OPCML: variants seen among roughly 807,000 people sequenced by gnomAD.
OPCML encodes the protein opioid binding protein/cell adhesion molecule like.
Under a neutral mutation model 37.8 loss-of-function variants are expected in OPCML, and 13 were observed. The observed-to-expected ratio is 0.34, with a 90% CI of 0.22 to 0.55. The LOEUF (loss-of-function observed/expected upper bound fraction) is 0.55. Ranked by LOEUF, OPCML falls within the 20% of genes least tolerant of loss-of-function variation. The probability of loss-of-function intolerance (pLI) is 0.91; values close to 1 mark genes in which losing one functional copy is unlikely to be tolerated. For synonymous variants in OPCML, 176 were observed against 168.8 expected (o/e 1.04, Z -0.33); for missense variants, 341 against 435.6 (o/e 0.78, Z 1.93).
At chr11:132,675,220 A>T (rs558642354) in intron 2 of OPCML, among the ~76,000 whole-genome samples, 3 of 150,140 alleles carry the variant, frequency 2.0e-5, no homozygotes, top group Admixed American at 6.7e-5. Context: ...TATATATATA[A>T]AACGTTATAT....
At chr11:133,374,311 C>T (rs150484381) in intron 1 of OPCML, among the ~76,000 whole-genome samples, 16 of 152,220 alleles carry the variant, frequency 1.1e-4, no homozygotes, top group African/African-American at 3.4e-4. Context: ...TGTAGATTAG[C>T]GGCTGCCTGG....
At position 132,800,787 on chromosome 11, in the gene OPCML, T is replaced by C. The variant is rs151124798; in HGVS notation, c.146+142139A>G. Among the ~76,000 whole-genome samples, 8 of 152,328 alleles carry C rather than the reference T, an allele frequency of 5.3e-5. No individual in the cohort carries two copies. In the East Asian group the frequency reaches 1.5e-3, roughly 29 times the overall value. ...ATGATGTATAATCCTTTTTTATATA[T>C]CACTGTATTTCACTTGGTTGCATTT... is the stretch of plus-strand genomic sequence containing the variant. On this transcript the variant is annotated intron_variant, in intron 2 of 7. Coordinates refer to ENST00000524381, the MANE Select transcript of OPCML (RefSeq NM_001012393.5).
intron 2 of OPCML, among the ~76,000 whole-genome samples, chr11:132,814,775 G>C (rs1243509522): frequency 6.6e-6 from 1 of 152,080 alleles, no homozygotes; most frequent in East Asian, 1.9e-4. Flanking sequence ...TTTGCTATGG[G>C]GGGCTGTGGA....
intron 1 of OPCML, among the ~76,000 whole-genome samples, chr11:133,465,793 A>C (rs890594533): frequency 6.6e-6 from 1 of 152,196 alleles, no homozygotes; most frequent in Admixed American, 6.5e-5. Context: ...GTAAAGGGAC[A>C]CTGGGAGGAC....
chr11:132,698,304 T>C lies in OPCML; in HGVS notation c.147-40985A>G, dbSNP rs950655751. 7.2e-5 allele frequency among the ~76,000 whole-genome samples: 11 copies of C among 152,158 alleles called. No homozygotes were observed. In the East Asian group the frequency reaches 1.7e-3, roughly 24 times the overall value. ...CTTTTCTCCGCATCCTCTCCAACAC[T>C]GATCTTTTGTCATGCTGACAACTGG... On this transcript the variant is annotated intron_variant, in intron 2 of 7. Transcript: ENST00000524381.
At chr11:133,276,356 G>A (rs977433360) in intron 1 of OPCML, among the ~76,000 whole-genome samples, 11 of 152,164 alleles carry the variant, frequency 7.2e-5, no homozygotes, top group African/African-American at 1.7e-4. Context: ...AGAAAAGGAA[G>A]AGGGGCCAAG....
intron 3 of OPCML, among the ~76,000 whole-genome samples, chr11:132,593,359 G>A (rs1239528479): frequency 3.3e-5 from 5 of 152,164 alleles, no homozygotes. Context: ...TGTAGACCAT[G>A]GCAAAGAGCA....
chr11:133,214,094 C>T (rs1428662706), intron 1 of OPCML, among the ~76,000 whole-genome samples: 2 of 151,858 alleles, frequency 1.3e-5, no homozygotes, highest in Non-Finnish European at 2.9e-5. Context: ...AAACACTTTT[C>T]CCTTAAAATA....
At chr11:133,287,083 C>T (rs1942319535) in intron 1 of OPCML, among the ~76,000 whole-genome samples, 1 of 152,082 alleles carries the variant, frequency 6.6e-6, no homozygotes, top group Non-Finnish European at 1.5e-5. Flanking sequence ...TTGTTTCCGA[C>T]TGCAGACCAG....
chr11:133,312,300 A>G (rs1228196675), intron 1 of OPCML, among the ~76,000 whole-genome samples: 2 of 152,230 alleles, frequency 1.3e-5, no homozygotes, highest in African/African-American at 4.8e-5. Flanking sequence ...AAGAATATCC[A>G]CCATCACTAC....
chr11:133,255,236 G>T (rs938213184), intron 1 of OPCML, among the ~76,000 whole-genome samples: 2 of 152,140 alleles, frequency 1.3e-5, no homozygotes, highest in Non-Finnish European at 2.9e-5. Flanking sequence ...CGAAACTGGG[G>T]TATAAAACAC....
chr11:132,723,130 C>T (rs1356905323), intron 2 of OPCML, among the ~76,000 whole-genome samples: 1 of 152,094 alleles, frequency 6.6e-6, no homozygotes, highest in Non-Finnish European at 1.5e-5. Context: ...GAACAAAGGG[C>T]CATGTGATTA....
At chr11:133,155,529 C>A (rs1045197336) in intron 1 of OPCML, among the ~76,000 whole-genome samples, 3 of 152,100 alleles carry the variant, frequency 2.0e-5, no homozygotes, top group Non-Finnish European at 2.9e-5. Context: ...CTTTCCTGGG[C>A]TTCTACAATT....
In OPCML at chr11:132,696,689, C is replaced by T. The variant is rs139108208; in HGVS notation, c.147-39370G>A. The stretch of plus-strand genomic sequence containing the variant: ...AAAGTATGTGTGAGGAAGCACTGCT[C>T]GTATCAGATAGGAACTATTGTATCA... On this transcript the variant is annotated intron_variant, in intron 2 of 7. Coordinates refer to ENST00000524381, the MANE Select transcript of OPCML (RefSeq NM_001012393.5). Among the ~76,000 whole-genome samples, 10 of 152,134 alleles carry T rather than the reference C, an allele frequency of 6.6e-5. No individual in the cohort carries two copies. In the South Asian group the frequency reaches 1.9e-3, roughly 28 times the overall value.
chr11:133,191,511 GT>G (rs1938318385), intron 1 of OPCML, among the ~76,000 whole-genome samples: 1 of 150,608 alleles, frequency 6.6e-6, no homozygotes, highest in Non-Finnish European at 1.5e-5. Flanking sequence ...GTGGGTGTGT[GT>G]GTGTGTGTGT....
At chr11:132,719,390 G>C (rs944877030) in intron 2 of OPCML, among the ~76,000 whole-genome samples, 1 of 152,214 alleles carries the variant, frequency 6.6e-6, no homozygotes, top group Non-Finnish European at 1.5e-5. Flanking sequence ...AGAGACTGAC[G>C]AGAACCTGAG....
chr11:132,900,780 T>C (rs1027375767), intron 2 of OPCML, among the ~76,000 whole-genome samples: 2 of 152,268 alleles, frequency 1.3e-5, no homozygotes, highest in African/African-American at 4.8e-5. Flanking sequence ...AAGCCTGCTC[T>C]GGCATTTTTA....
chr11:132,558,804 C>T (rs2096404033), intron 3 of OPCML, among the ~76,000 whole-genome samples: 1 of 151,892 alleles, frequency 6.6e-6, no homozygotes, highest in African/African-American at 2.4e-5. Context: ...TACCCTGATT[C>T]TGTTGATGAT....
At position 133,079,201 on chromosome 11, in the gene OPCML, G is replaced by A. The variant is rs144598871; in HGVS notation, c.62-136191C>T. Reference sequence around the variant, plus strand: ...ATGAAATTGCTTGTACTTTTGATACGCATTTTAAGCTAGTGTAAGTAACGA... The same window carrying A: ...ATGAAATTGCTTGTACTTTTGATACACATTTTAAGCTAGTGTAAGTAACGA... On this transcript the variant is annotated intron_variant, in intron 1 of 7. Transcript: ENST00000524381. 5.0e-3 allele frequency among the ~76,000 whole-genome samples: 762 copies of A among 152,242 alleles called. 4 individuals carry two copies. The highest frequency in any genetic ancestry group is 0.017 in the African/African-American group (723 of 41,550).
Sources: allele counts gnomAD v4.1 joint callset (sites outside exome capture counted in the v4.1 genomes callset), GRCh38; gene constraint gnomAD v4.1.1; transcripts MANE v1.5; gene names NCBI Gene and HGNC (gene_info 2026-07-23, HGNC 2026-07-21).